The following LHCGR variants were observed in gnomAD, a reference collection of about 807,000 sequenced individuals.
The protein encoded by LHCGR is luteinizing hormone/choriogonadotropin receptor, also known as lutropin-choriogonadotropic hormone receptor.
In LHCGR, 55 loss-of-function variants were observed where a neutral mutation model predicts 60.7. The observed-to-expected ratio is 0.91, with a 90% CI of 0.73 to 1.13. LHCGR has a LOEUF of 1.13. LHCGR is among the 50% of genes most tolerant of loss of function. The pLI, the probability that LHCGR is intolerant of heterozygous loss-of-function variation, is 0.00. For synonymous variants in LHCGR, 337 were observed against 316.5 expected, an observed-to-expected ratio of 1.06 and a Z score of -0.69; for missense variants, 862 against 836.0, an observed-to-expected ratio of 1.03 and a Z score of -0.38.
intron 2 of LHCGR, among the ~76,000 whole-genome samples, chr2:48,729,558 T>G (rs1183220131): frequency 6.6e-6 from 1 of 152,192 alleles, no homozygotes; most frequent in Non-Finnish European, 1.5e-5. Context: ...CAGATTCCCT[T>G]GTTTTACAGC....
At chr2:48,738,944 A>C (rs1456358893) in intron 1 of LHCGR, among the ~76,000 whole-genome samples, 1 of 152,234 alleles carries the variant, frequency 6.6e-6, no homozygotes, top group Non-Finnish European at 1.5e-5. Context: ...TTTCTACTGA[A>C]CAGCACCTCC....
At chr2:48,730,074 C>G (rs1433480039) in intron 2 of LHCGR, among the ~76,000 whole-genome samples, 4 of 152,188 alleles carry the variant, frequency 2.6e-5, no homozygotes, top group Non-Finnish European at 4.4e-5. Context: ...AAAAAAGTCT[C>G]AAATTCACAA....
intron 1 of LHCGR, among the ~76,000 whole-genome samples, chr2:48,736,658 C>G (rs895429787): frequency 6.6e-6 from 1 of 152,048 alleles, no homozygotes; most frequent in African/African-American, 2.4e-5. Context: ...AGTAATGTTA[C>G]CTGGAGAGCT....
chr2:48,745,890 AG>A (rs1669682064), intron 1 of LHCGR, among the ~76,000 whole-genome samples: 1 of 151,494 alleles, frequency 6.6e-6, no homozygotes, highest in South Asian at 2.1e-4. Context: ...GAAAAAAAAA[AG>A]GTCCGTCTCA....
At chr2:48,732,129 G>A (rs761703948) in intron 1 of LHCGR, among the ~76,000 whole-genome samples, 6 of 152,216 alleles carry the variant, frequency 3.9e-5, no homozygotes, top group Non-Finnish European at 7.3e-5. Flanking sequence ...ATGTGTGAAT[G>A]CTAAAGGAAC....
chr2:48,698,831 T>C, intron 8 of LHCGR, 31 bp from the exon 9 acceptor site: 1 of 1,528,618 alleles, frequency 6.5e-7, no homozygotes, highest in African/African-American at 1.6e-5. Flanking sequence ...ATGCTTTTTA[T>C]TTATTTATTT....
At chr2:48,746,598 G>C (rs759345129) in intron 1 of LHCGR, among the ~76,000 whole-genome samples, 2 of 152,184 alleles carry the variant, frequency 1.3e-5, no homozygotes, top group Non-Finnish European at 2.9e-5. Context: ...GGTGTGAGGA[G>C]TTTATGTCTT....
intron 6 of LHCGR, among the ~76,000 whole-genome samples, chr2:48,719,874 C>A (rs938679437): frequency 6.6e-6 from 1 of 152,194 alleles, no homozygotes; most frequent in Non-Finnish European, 1.5e-5. Flanking sequence ...GAAAATAAGG[C>A]TTTCCTCTTT....
intron 9 of LHCGR, 128 bp downstream of exon 9, chr2:48,698,487 C>G: frequency 1.4e-6 from 1 of 737,278 alleles, no homozygotes; most frequent in Non-Finnish European, 2.4e-6. Context: ...TGAAAGTGAC[C>G]CCATGTCTAC....
intron 1 of LHCGR, among the ~76,000 whole-genome samples, chr2:48,746,243 C>T (rs1669700992): frequency 6.6e-6 from 1 of 152,134 alleles, no homozygotes; most frequent in African/African-American, 2.4e-5. Flanking sequence ...GGAATTGATT[C>T]TTCTGTTTGT....
intron 1 of LHCGR, among the ~76,000 whole-genome samples, chr2:48,747,708 C>T (rs986915415): frequency 2.6e-5 from 4 of 152,068 alleles, no homozygotes; most frequent in African/African-American, 7.2e-5. Flanking sequence ...TGCTAAGATG[C>T]CAGATATTCT....
At position 48,688,423 on chromosome 2, in the gene LHCGR, G is replaced by A. The variant is rs776179025; in HGVS notation, c.1374C>T (p.Thr458=). Residue 458 remains threonine, a synonymous_variant, in exon 11 of 11, where the codon ACC becomes ACT. Transcript: ENST00000294954. The surrounding 1 kb of genome is among the most constrained non-coding windows in gnomAD (Gnocchi z 5.2). ...TGTGCCATCTTTCTAGAGTGATGACGGTGAGGGTGTAGACAGAAAGTTCAC... is the reference window on the plus strand; with the variant it reads ...TGTGCCATCTTTCTAGAGTGATGACAGTGAGGGTGTAGACAGAAAGTTCAC... The part of the protein sequence containing the change: ...FASELSVYTL[T]VITLERWHTI... The A allele has an allele frequency of 7.4e-6, 12 of 1,614,110 alleles. No homozygotes were observed. The highest frequency in any genetic ancestry group is 6.7e-5 in the Admixed American group (4 of 60,010).
intron 10 of LHCGR, among the ~76,000 whole-genome samples, chr2:48,689,717 C>T (rs1680114822): frequency 6.6e-6 from 1 of 151,938 alleles, no homozygotes; most frequent in Non-Finnish European, 1.5e-5. Flanking sequence ...CTTTTCCTCT[C>T]TCTCTCTTTT....
At chr2:48,707,946 C>G (rs1047067974) in intron 8 of LHCGR, among the ~76,000 whole-genome samples, 1 of 152,158 alleles carries the variant, frequency 6.6e-6, no homozygotes, top group African/African-American at 2.4e-5. Flanking sequence ...CTTCCCTTGC[C>G]TAGGAAAGGG....
chr2:48,744,915 A>G (rs1669629445), intron 1 of LHCGR, among the ~76,000 whole-genome samples: 1 of 152,186 alleles, frequency 6.6e-6, no homozygotes, highest in Admixed American at 6.5e-5. Context: ...GGCAACCTAC[A>G]AAATGGGAGA....
intron 1 of LHCGR, among the ~76,000 whole-genome samples, chr2:48,745,212 A>C (rs960655916): frequency 2.6e-5 from 4 of 152,214 alleles, no homozygotes; most frequent in Admixed American, 2.6e-4. Context: ...GCTGGAGAGG[A>C]TGTGGAGAAA....
chr2:48,722,210 C>T (rs200092261), intron 6 of LHCGR, among the ~76,000 whole-genome samples: 2 of 152,150 alleles, frequency 1.3e-5, no homozygotes, highest in Admixed American at 6.5e-5. Flanking sequence ...GGAGGGCTCC[C>T]ATGTGAAGAT....
At chr2:48,739,030 T>G (rs1468425256) in intron 1 of LHCGR, among the ~76,000 whole-genome samples, 1 of 152,204 alleles carries the variant, frequency 6.6e-6, no homozygotes, top group East Asian at 1.9e-4. Context: ...TCCTACTGTT[T>G]GGCACATCTC....
intron 9 of LHCGR, among the ~76,000 whole-genome samples, chr2:48,694,683 T>A (rs1300913251): frequency 6.6e-6 from 1 of 152,198 alleles, no homozygotes; most frequent in Non-Finnish European, 1.5e-5. Context: ...TCATTCTGTG[T>A]TCATGGTTTT....
Sources: gnomAD v4.1 joint callset for allele counts (sites outside exome capture counted in the v4.1 genomes callset) on GRCh38, gnomAD v4.1.1 for gene constraint, Gnocchi (gnomAD v3.1) non-coding constraint, MANE v1.5 for transcripts, NCBI Gene and HGNC (gene_info 2026-07-23, HGNC 2026-07-21) for gene names.